The following GAK variants were observed in gnomAD, a reference collection of about 807,000 sequenced individuals.
The protein encoded by GAK is cyclin G associated kinase.
In GAK, 79 loss-of-function variants were observed where a neutral mutation model predicts 143.9. The observed-to-expected ratio is 0.55, with a 90% CI of 0.46 to 0.66. The LOEUF is 0.66. Among genes scored for constraint, GAK ranks in the 30% least tolerant of loss-of-function variants. The probability of loss-of-function intolerance (pLI) is 0.00; values close to 1 mark genes in which losing one functional copy is unlikely to be tolerated. For synonymous variants in GAK, 881 were observed against 765.5 expected, an observed-to-expected ratio of 1.15 and a Z score of -2.49; for missense variants, 1,693 against 1,779.7, an observed-to-expected ratio of 0.95 and a Z score of 0.88.
chr4:887,825 G>A (rs1427959664), intron 11 of GAK: 1 of 152,414 alleles, frequency 6.6e-6, no homozygotes, highest in Non-Finnish European at 1.5e-5. Flanking sequence ...ACAAGCACAA[G>A]GACTCACAAG....
rs1711730822 is a variant in GAK, at chr4:869,084, GCA to G, written c.2249-401_2249-400del. 5 of 79,522 alleles carry G rather than the reference GCA, an allele frequency of 6.3e-5. No individual in the cohort carries two copies. In the South Asian group the frequency reaches 8.6e-4, roughly 14 times the overall value. 4.9% of individuals were successfully genotyped at this position (79,522 alleles called of 1,614,324 possible). ...ACACAGATGCAGGGTACACACGAAT[GCA>G]CACACAGCACACACAGATGCACAGT... On this transcript the variant is annotated intron_variant, in intron 19 of 27. Transcript: ENST00000314167.
In GAK at chr4:877,212, G is replaced by GATTT. The variant is rs748471591; in HGVS notation, c.1857-6_1857-5insAAAT. 59 of 1,598,228 alleles carry GATTT rather than the reference G, an allele frequency of 3.7e-5. No homozygotes were observed. The highest frequency in any genetic ancestry group is 3.3e-4 in the Middle Eastern group (2 of 6,062). ...CCATCTTCAATCTTAAAGTCCCTAA[G>GATTT]GACAGAATGACAAGAGAAAAATTTT... On this transcript the variant is annotated splice_polypyrimidine_tract_variant and splice_region_variant and intron_variant, in intron 16 of 27. Coordinates refer to ENST00000314167, the MANE Select transcript of GAK (RefSeq NM_005255.4).
Position 881,983 on chromosome 4 carries a change from A to G in GAK, c.1585T>C (p.Phe529Leu). The G allele has an allele frequency of 6.2e-7, 1 of 1,605,284 alleles. No individual in the cohort carries two copies. The highest frequency in any genetic ancestry group is 8.5e-7 in the Non-Finnish European group (1 of 1,176,290). ...VCSFLCFCRL[F>L]STAEAAVYMF... ...TACACGGCGGCCTCCGCGGTGCTGA[A>G]GAGACGGCAGAAGCACAGGAAGGAG... Residue 529 changes from phenylalanine to leucine, a missense_variant, in exon 15 of 28, where the codon TTC (phenylalanine) becomes CTC (leucine). Phe to Leu is a conservative substitution (Grantham distance 22). Coordinates refer to ENST00000314167, the MANE Select transcript of GAK (RefSeq NM_005255.4).
chr4:926,763 C>A (rs1045093353), intron 1 of GAK, among the ~76,000 whole-genome samples: 2 of 152,094 alleles, frequency 1.3e-5, no homozygotes, highest in African/African-American at 4.8e-5. Context: ...ATCTGGGCCT[C>A]ACAGGCCTGA....
intron 7 of GAK, among the ~76,000 whole-genome samples, chr4:896,091 C>T (rs763813835): frequency 1.3e-5 from 2 of 152,128 alleles, no homozygotes; most frequent in East Asian, 1.9e-4. Flanking sequence ...GTGAGACCAC[C>T]CCTTCTACCA....
rs1338729329 is a variant in GAK at position 849,986 on chromosome 4, C to T, written c.3740G>A (p.Ser1247Asn). Reference sequence around the variant, plus strand: ...GGCCATGCCCACGGGCGTCCAGCGGCTCTCCCCGTCCCACAGCACTGTGTG... The same window carrying T: ...GGCCATGCCCACGGGCGTCCAGCGGTTCTCCCCGTCCCACAGCACTGTGTG... The part of the protein sequence containing the change: ...TLHTVLWDGE[S>N]RWTPVGMADL... The change falls in exon 27 of 28, where the codon AGC becomes AAC. Residue 1247 changes from serine to asparagine, a missense_variant. By Grantham distance (46) the Ser-to-Asn change is conservative. Transcript: ENST00000314167. 6.2e-7 allele frequency: 1 copy of T among 1,611,614 alleles called. No individual in the cohort carries two copies. The highest frequency in any genetic ancestry group is 2.2e-5 in the East Asian group (1 of 44,796).
At chr4:877,349 C>A (rs1714151857) in intron 16 of GAK, 142 bp from the exon 17 acceptor site, 1 of 681,762 alleles carries the variant, frequency 1.5e-6, no homozygotes, top group South Asian at 1.9e-5. Flanking sequence ...AAGAGCCTCA[C>A]AAGAATTCTA....
intron 7 of GAK, among the ~76,000 whole-genome samples, chr4:895,262 G>A (rs981584595): frequency 6.6e-6 from 1 of 152,244 alleles, no homozygotes; most frequent in Non-Finnish European, 1.5e-5. Context: ...TGAACAATCA[G>A]CGACTTCTCG....
intron 4 of GAK, among the ~76,000 whole-genome samples, chr4:909,732 G>A (rs1422411157): frequency 6.6e-6 from 1 of 152,326 alleles, no homozygotes; most frequent in East Asian, 1.9e-4. Flanking sequence ...AGGGAAAGCC[G>A]CCGTGGGACA....
At chr4:920,539 AT>A (rs34176109) in intron 1 of GAK, among the ~76,000 whole-genome samples, 1,784 of 129,306 alleles carry the variant, frequency 0.014, 38 homozygotes, top group African/African-American at 0.041. Context: ...GTTTAGAGCC[AT>A]TTTTTTTTTT....
chr4:902,095 C>T (rs564034043), intron 5 of GAK, among the ~76,000 whole-genome samples: 8 of 151,840 alleles, frequency 5.3e-5, no homozygotes, highest in South Asian at 2.1e-4. Context: ...AAAATTAGCC[C>T]GGCGTGGTGG....
At chr4:895,588 G>A (rs1011485810) in intron 7 of GAK, among the ~76,000 whole-genome samples, 14 of 152,358 alleles carry the variant, frequency 9.2e-5, no homozygotes, top group African/African-American at 3.1e-4. Context: ...CTGATGGCAC[G>A]GCTGACCCGG....
At chr4:865,951 G>A (rs1283857993) in intron 22 of GAK, among the ~76,000 whole-genome samples, 1 of 152,266 alleles carries the variant, frequency 6.6e-6, no homozygotes, top group African/African-American at 2.4e-5. Context: ...CACGGCCCCT[G>A]CTACACCCAG....
intron 15 of GAK, 107 bp downstream of exon 15, chr4:881,800 G>T: frequency 7.5e-7 from 1 of 1,328,368 alleles, no homozygotes; most frequent in Non-Finnish European, 1.0e-6. Context: ...TTTCCCACCA[G>T]CGCCTGCAGC....
chr4:913,402 C>T (rs942731123), intron 2 of GAK, among the ~76,000 whole-genome samples: 4 of 152,188 alleles, frequency 2.6e-5, no homozygotes, highest in African/African-American at 7.2e-5. Context: ...GGCAGGGCCA[C>T]AGGAGTGTGA....
rs527339844 is a variant in GAK, at chr4:924,977, G to A, written c.145+7066C>T. Among the ~76,000 whole-genome samples, 9 of 151,732 alleles carry A rather than the reference G, an allele frequency of 5.9e-5. No homozygotes were observed. In the South Asian group the frequency reaches 6.3e-4, roughly 11 times the overall value. On this transcript the variant is annotated intron_variant, in intron 1 of 27. Coordinates refer to ENST00000314167, the MANE Select transcript of GAK (RefSeq NM_005255.4). Reference sequence around the variant, plus strand: ...GGGTCATGGGGGTGGAGTTCTGCCCGGGGGCTGCTCTCAGGAGGAGGTTGC... The same window carrying A: ...GGGTCATGGGGGTGGAGTTCTGCCCAGGGGCTGCTCTCAGGAGGAGGTTGC...
intron 1 of GAK, among the ~76,000 whole-genome samples, chr4:916,649 A>AC (rs900520822): frequency 1.3e-5 from 2 of 152,168 alleles, no homozygotes; most frequent in East Asian, 3.8e-4. Flanking sequence ...CGAAGATAGG[A>AC]CCCCATACCT....
At chr4:890,251 T>A (rs2152845174) in intron 10 of GAK, among the ~76,000 whole-genome samples, 1 of 152,214 alleles carries the variant, frequency 6.6e-6, no homozygotes. Context: ...TCGGGCCCGG[T>A]CTCCTGGGCC....
At chr4:925,805 A>G (rs1381990143) in intron 1 of GAK, among the ~76,000 whole-genome samples, 1 of 152,220 alleles carries the variant, frequency 6.6e-6, no homozygotes, top group Non-Finnish European at 1.5e-5. Context: ...CAGCCTGCAG[A>G]GCCGTGAGGA....
Sources: allele counts gnomAD v4.1 joint callset (sites outside exome capture counted in the v4.1 genomes callset), GRCh38; gene constraint gnomAD v4.1.1; transcripts MANE v1.5; gene names NCBI Gene and HGNC (gene_info 2026-07-23, HGNC 2026-07-21).